WASL: variants seen among roughly 807,000 people sequenced by gnomAD.
WASL encodes the protein actin nucleation-promoting factor WASL.
WASL carries 20 observed loss-of-function variants against 55.5 expected under a neutral mutation model. The observed-to-expected ratio is 0.36, with a 90% CI of 0.25 to 0.52. The LOEUF (loss-of-function observed/expected upper bound fraction) is 0.52. WASL is among the 20% of genes least tolerant of loss of function. WASL has a pLI of 0.92. For missense variants in WASL, 504 were observed against 622.5 expected, an observed-to-expected ratio of 0.81 and a Z score of 2.03; for synonymous variants, 249 against 217.6, an observed-to-expected ratio of 1.14 and a Z score of -1.27.
At chr7:123,706,230 T>C (rs1803666813) in intron 4 of WASL, 47 bp downstream of exon 4, 1 of 1,543,218 alleles carries the variant, frequency 6.5e-7, no homozygotes, top group African/African-American at 1.4e-5. Flanking sequence ...ACTTGCCCCA[T>C]GAGCATTAGT....
chr7:123,685,063 G>A (rs954978366), intron 10 of WASL, among the ~76,000 whole-genome samples: 2 of 151,510 alleles, frequency 1.3e-5, no homozygotes, highest in Non-Finnish European at 2.9e-5. Context: ...CCTTTTTCAC[G>A]ATCCAATTAT....
intron 1 of WASL, among the ~76,000 whole-genome samples, chr7:123,731,878 C>T (rs1376508563): frequency 6.6e-6 from 1 of 151,518 alleles, no homozygotes; most frequent in East Asian, 1.9e-4. Flanking sequence ...AAATTAAACC[C>T]AAAGTTAGCA....
At chr7:123,725,183 A>G (rs1804020769) in intron 1 of WASL, among the ~76,000 whole-genome samples, 2 of 152,208 alleles carry the variant, frequency 1.3e-5, no homozygotes. Context: ...TAACTGAACA[A>G]TTTTGTGGTT....
At chr7:123,704,768 A>C (rs1263207831) in intron 4 of WASL, 111 bp from the exon 5 acceptor site, 20 of 649,182 alleles carry the variant, frequency 3.1e-5, no homozygotes, top group Non-Finnish European at 4.5e-5. Context: ...ACGTGTGACT[A>C]AGGAAGATTT....
At chr7:123,688,613 C>A (rs901419947) in intron 10 of WASL, among the ~76,000 whole-genome samples, 4 of 152,100 alleles carry the variant, frequency 2.6e-5, no homozygotes, top group African/African-American at 7.2e-5. Context: ...CCACCCGCCT[C>A]GGCCTCCCAA....
At chr7:123,688,081 G>A (rs1488856630) in intron 10 of WASL, among the ~76,000 whole-genome samples, 2 of 152,154 alleles carry the variant, frequency 1.3e-5, no homozygotes, top group Admixed American at 1.3e-4. Flanking sequence ...AGCACATCAT[G>A]TTGGAGAAGC....
At chr7:123,723,660 A>C (rs577442319) in intron 1 of WASL, among the ~76,000 whole-genome samples, 1 of 152,206 alleles carries the variant, frequency 6.6e-6, no homozygotes, top group Non-Finnish European at 1.5e-5. Flanking sequence ...CCAGGAATTT[A>C]GAATTCTAAA....
In WASL at chr7:123,709,195, T is replaced by C. The variant is rs774632321; in HGVS notation, c.146A>G (p.Tyr49Cys). Reference sequence around the variant, plus strand: ...CCACATACAGTTCCGATCTGCTGCATATAACTGCACCACTGCTGAAGACAT... The same window carrying C: ...CCACATACAGTTCCGATCTGCTGCACATAACTGCACCACTGCTGAAGACAT... The part of the protein sequence containing the change: ...VTMSSAVVQL[Y>C]AADRNCMWSK... Residue 49 changes from tyrosine (Y) to cysteine (C), a missense_variant, in exon 2 of 11, where the codon TAT (tyrosine) becomes TGT (cysteine). Tyr to Cys is a radical substitution (Grantham distance 194). Around this residue, in one of 5 missense-constraint regions of WASL, gnomAD observed 230 missense variants for 271.9 expected, o/e 0.85. Transcript: ENST00000223023. 1 of 1,611,692 alleles carries C rather than the reference T, an allele frequency of 6.2e-7. No individual in the cohort carries two copies. Among genetic ancestry groups the C allele is most frequent in the South Asian group, 1.1e-5 (1 of 90,712 alleles).
At chr7:123,697,960 T>C (rs1463765173) in intron 5 of WASL, among the ~76,000 whole-genome samples, 1 of 152,148 alleles carries the variant, frequency 6.6e-6, no homozygotes, top group African/African-American at 2.4e-5. Context: ...AGCTTTTCCT[T>C]TAGACAACAT....
chr7:123,734,806 A>G (rs1804198702), intron 1 of WASL, among the ~76,000 whole-genome samples: 1 of 152,114 alleles, frequency 6.6e-6, no homozygotes, highest in African/African-American at 2.4e-5. Flanking sequence ...AACTTTAGTT[A>G]ATAATAATGT....
chr7:123,702,998 C>T (rs1803615579), intron 5 of WASL, among the ~76,000 whole-genome samples: 1 of 152,166 alleles, frequency 6.6e-6, no homozygotes, highest in South Asian at 2.1e-4. Context: ...TGTATATACT[C>T]TCCAAACTCA....
chr7:123,701,233 C>T (rs978631453), intron 5 of WASL, among the ~76,000 whole-genome samples: 6 of 152,104 alleles, frequency 3.9e-5, no homozygotes, highest in South Asian at 2.1e-4. Flanking sequence ...ATAATGAAGG[C>T]GGGCTGTTTT....
At chr7:123,692,948 G>A in intron 8 of WASL, 81 bp from the exon 9 acceptor site, 3 of 1,306,894 alleles carry the variant, frequency 2.3e-6, no homozygotes, top group Non-Finnish European at 2.9e-6. Context: ...ATTTTAACAT[G>A]TATAAAAATT....
At chr7:123,693,072 A>C (rs1314376033) in intron 8 of WASL, among the ~76,000 whole-genome samples, 1 of 152,120 alleles carries the variant, frequency 6.6e-6, no homozygotes, top group African/African-American at 2.4e-5. Flanking sequence ...TCACTTTCTT[A>C]TTGGTTCTTA....
At chr7:123,726,842 G>A (rs1804052015) in intron 1 of WASL, among the ~76,000 whole-genome samples, 1 of 151,864 alleles carries the variant, frequency 6.6e-6, no homozygotes. Context: ...CTCCAGCCTG[G>A]GCGACAGAGT....
intron 1 of WASL, among the ~76,000 whole-genome samples, chr7:123,720,078 C>A (rs1803915266): frequency 6.6e-6 from 1 of 152,108 alleles, no homozygotes; most frequent in Non-Finnish European, 1.5e-5. Flanking sequence ...TATATGGTTA[C>A]CCCCAAACCT....
intron 5 of WASL, among the ~76,000 whole-genome samples, chr7:123,700,174 TCAAAAAAAAAAAAA>T (rs1562959003): frequency 4.2e-5 from 1 of 23,530 alleles, no homozygotes. Context: ...AAACTCCGTC[TCAAAAAAAAAAAAA>T]AAAAAAAAAA....
At chr7:123,689,210 C>T (rs1803354002) in intron 9 of WASL, 60 bp from the exon 10 acceptor site, 7 of 1,397,374 alleles carry the variant, frequency 5.0e-6, no homozygotes, top group Non-Finnish European at 7.1e-6. Context: ...TCTTTGTCTC[C>T]AGAAAGTCCT....
At chr7:123,740,965 T>C (rs1054970492) in intron 1 of WASL, among the ~76,000 whole-genome samples, 1 of 152,174 alleles carries the variant, frequency 6.6e-6, no homozygotes, top group Non-Finnish European at 1.5e-5. Context: ...GTACTCCCCA[T>C]GTCTATTGGG....
Sources: gnomAD v4.1 joint callset for allele counts (sites outside exome capture counted in the v4.1 genomes callset) on GRCh38, gnomAD v4.1.1 for gene constraint, gnomAD v4.1.1 regional missense constraint, MANE v1.5 for transcripts, NCBI Gene and HGNC (gene_info 2026-07-23, HGNC 2026-07-21) for gene names.